Variants in SYTL3 observed in about 807,000 individuals in gnomAD.
SYTL3 encodes the protein synaptotagmin like 3, also known as synaptotagmin-like protein 3.
In SYTL3, 88 loss-of-function variants were observed where a neutral mutation model predicts 82.1. The observed-to-expected ratio is 1.07, with a 90% CI of 0.90 to 1.28. The LOEUF (loss-of-function observed/expected upper bound fraction) is 1.28. Ranked by LOEUF, SYTL3 falls within the 50% of genes most tolerant of loss-of-function variation. SYTL3 has a pLI of 0.00. For missense variants in SYTL3, 831 were observed against 757.6 expected (o/e 1.10, Z -1.14); for synonymous variants, 311 against 289.4 (o/e 1.07, Z -0.76).
chr6:158,712,058 G>C (rs35878657), intron 8 of SYTL3, among the ~76,000 whole-genome samples: 46,158 of 152,030 alleles, frequency 0.3, 7,338 homozygotes, highest in African/African-American at 0.34. Context: ...TGGAGTTGCT[G>C]TGGTTCACAT....
Position 158,745,460 on chromosome 6 carries a change from T to C in SYTL3, c.856-20T>C, listed in dbSNP as rs546957885. ...GAATTAACTGAAGTAACTTATTATA[T>C]CTGTTATTCTTGATTTCAGGGAAGT... On this transcript the variant is annotated intron_variant, in intron 11 of 17. Coordinates refer to ENST00000611299, the MANE Select transcript of SYTL3 (RefSeq NM_001242394.2). 1.9e-5 allele frequency: 30 copies of C among 1,595,802 alleles called. No individual in the cohort carries two copies. The highest frequency in any genetic ancestry group is 2.3e-5 in the Non-Finnish European group (27 of 1,173,310).
chr6:158,740,089 T>A (rs1333076220), intron 11 of SYTL3, among the ~76,000 whole-genome samples: 1 of 143,140 alleles, frequency 7.0e-6, no homozygotes, highest in Non-Finnish European at 1.5e-5. Flanking sequence ...ATCTGCCTCC[T>A]GGGTTCAAGC....
intron 10 of SYTL3, among the ~76,000 whole-genome samples, chr6:158,720,953 C>T (rs1308238743): frequency 2.0e-5 from 3 of 152,272 alleles, no homozygotes; most frequent in East Asian, 1.9e-4. Flanking sequence ...GAGGATGGCC[C>T]GTGGGTCCTC....
At chr6:158,672,379 C>G (rs1777493951) in intron 5 of SYTL3, among the ~76,000 whole-genome samples, 1 of 152,180 alleles carries the variant, frequency 6.6e-6, no homozygotes. Flanking sequence ...GGTCTTCCTT[C>G]ATGAGGAATG....
At chr6:158,716,276 G>C (rs1407502758) in intron 9 of SYTL3, among the ~76,000 whole-genome samples, 1 of 152,118 alleles carries the variant, frequency 6.6e-6, no homozygotes, top group Non-Finnish European at 1.5e-5. Flanking sequence ...TGACCTATAA[G>C]CCTATTTCTT....
At chr6:158,728,230 G>A (rs1440424674) in intron 11 of SYTL3, among the ~76,000 whole-genome samples, 1 of 151,996 alleles carries the variant, frequency 6.6e-6, no homozygotes, top group African/African-American at 2.4e-5. Flanking sequence ...TACCTTCAGG[G>A]CTGTGCTCCA....
intron 16 of SYTL3, 106 bp downstream of exon 16, chr6:158,762,284 T>TTA: frequency 1.3e-6 from 1 of 751,398 alleles, no homozygotes; most frequent in East Asian, 2.7e-5. Context: ...TTAAAACGTC[T>TTA]TATTTTAGCT....
chr6:158,742,809 GA>G (rs1787108296), intron 11 of SYTL3, among the ~76,000 whole-genome samples: 1 of 152,040 alleles, frequency 6.6e-6, no homozygotes, highest in African/African-American at 2.4e-5. Context: ...TAGATCTGCT[GA>G]CCTCCTGACC....
rs528886195 is a variant in SYTL3, at chr6:158,729,147, A to G, written c.855+3510A>G. The stretch of plus-strand genomic sequence containing the variant: ...GGTGGATTCTTGGGTGAGGGGCCAT[A>G]ATGCTTCAATTAACACTTGTGTTAG... On this transcript the variant is annotated intron_variant, in intron 11 of 17. Coordinates refer to ENST00000611299, the MANE Select transcript of SYTL3 (RefSeq NM_001242394.2). Among the ~76,000 whole-genome samples, 4 of 152,348 alleles carry G rather than the reference A, an allele frequency of 2.6e-5. No homozygotes were observed. In the South Asian group the frequency reaches 8.3e-4, roughly 32 times the overall value.
chr6:158,663,709 C>T, intron 4 of SYTL3: 1 of 681,166 alleles, frequency 1.5e-6, no homozygotes, highest in Non-Finnish European at 1.8e-6. Flanking sequence ...TTCCAGTTTA[C>T]CCCTTCTTTA....
intron 5 of SYTL3, among the ~76,000 whole-genome samples, chr6:158,677,169 A>G (rs1562364804): frequency 6.6e-6 from 1 of 152,214 alleles, no homozygotes; most frequent in Non-Finnish European, 1.5e-5. Flanking sequence ...ATGTCCAACA[A>G]TGATAGACTG....
intron 5 of SYTL3, among the ~76,000 whole-genome samples, chr6:158,674,446 CAG>C (rs1253535979): frequency 2.6e-5 from 4 of 152,298 alleles, no homozygotes; most frequent in South Asian, 4.1e-4. Context: ...TGCACGGTCA[CAG>C]AGGCTGCTGG....
At chr6:158,665,711 TCAGC>T in intron 5 of SYTL3, 98 bp downstream of exon 5, 1 of 874,854 alleles carries the variant, frequency 1.1e-6, no homozygotes, top group East Asian at 2.7e-5. Context: ...CTCCTCACCT[TCAGC>T]CAGTAAATGT....
At chr6:158,691,517 T>G (rs1208538782) in intron 6 of SYTL3, among the ~76,000 whole-genome samples, 2 of 152,234 alleles carry the variant, frequency 1.3e-5, no homozygotes, top group African/African-American at 4.8e-5. Context: ...GCTAAGCGTA[T>G]AGAAATGATG....
At chr6:158,736,137 G>C (rs1022211754) in intron 11 of SYTL3, among the ~76,000 whole-genome samples, 46 of 152,010 alleles carry the variant, frequency 3.0e-4, no homozygotes, top group African/African-American at 9.4e-4. Flanking sequence ...GGATCACAAG[G>C]TCAGGAGTTT....
intron 3 of SYTL3, among the ~76,000 whole-genome samples, 155 bp from the exon 4 acceptor site, chr6:158,662,595 G>A (rs2291383): frequency 0.29 from 43,806 of 152,126 alleles, 6,927 homozygotes; most frequent in East Asian, 0.67. Context: ...TTAGAAATAT[G>A]AGAAGTGTTA....
At chr6:158,714,773 C>T (rs1343122714) in intron 9 of SYTL3, among the ~76,000 whole-genome samples, 1 of 152,156 alleles carries the variant, frequency 6.6e-6, no homozygotes, top group African/African-American at 2.4e-5. Flanking sequence ...ATCCCCTTTT[C>T]TGTAGTTGCA....
intron 15 of SYTL3, among the ~76,000 whole-genome samples, chr6:158,761,558 T>C (rs1480684073): frequency 6.6e-6 from 1 of 152,120 alleles, no homozygotes; most frequent in Non-Finnish European, 1.5e-5. Flanking sequence ...TCCGCCCACC[T>C]TGGCCTCCCA....
chr6:158,754,147 G>A (rs1240779343), intron 13 of SYTL3, among the ~76,000 whole-genome samples: 1 of 152,200 alleles, frequency 6.6e-6, no homozygotes, highest in Non-Finnish European at 1.5e-5. Flanking sequence ...TCTCCAGCCA[G>A]TTTTGAGAGA....
Sources: allele counts gnomAD v4.1 joint callset (sites outside exome capture counted in the v4.1 genomes callset), GRCh38; gene constraint gnomAD v4.1.1; transcripts MANE v1.5; gene names NCBI Gene and HGNC (gene_info 2026-07-23, HGNC 2026-07-21).